CCDC88C: variants seen among roughly 807,000 people sequenced by gnomAD.
CCDC88C encodes the protein coiled-coil and HOOK domain protein 88C.
In CCDC88C, 131 loss-of-function variants were observed where a neutral mutation model predicts 198.8. That is an observed-to-expected ratio of 0.66 (90% confidence interval 0.57 to 0.76). CCDC88C has a LOEUF of 0.76. Among genes scored for constraint, CCDC88C ranks in the 30% least tolerant of loss-of-function variants. CCDC88C has a pLI of 0.00. For missense variants in CCDC88C, 2,553 were observed against 2,631.6 expected (o/e 0.97, Z 0.65); for synonymous variants, 1,166 against 1,114.7 (o/e 1.05, Z -0.92).
intron 3 of CCDC88C, among the ~76,000 whole-genome samples, chr14:91,389,932 C>A (rs1484211017): frequency 6.6e-6 from 1 of 151,750 alleles, no homozygotes; most frequent in South Asian, 2.1e-4. Context: ...ATTAGCTGGG[C>A]GTGGTGGCGG....
chr14:91,308,497 A>T lies in CCDC88C; in HGVS notation c.2865-5T>A. 1 of 1,613,666 alleles carries T rather than the reference A, an allele frequency of 6.2e-7. No individual in the cohort carries two copies. The highest frequency in any genetic ancestry group is 8.5e-7 in the Non-Finnish European group (1 of 1,179,778). ...CCCTCCAAAATCTTGTATTTTCTGG[A>T]AAACACAAAGATACAATAGTATCAC... On this transcript the variant is annotated splice_polypyrimidine_tract_variant and splice_region_variant and intron_variant, in intron 16 of 29. Transcript: ENST00000389857.
In CCDC88C at chr14:91,272,231, G is replaced by A. The variant is rs549307461; in HGVS notation, c.*394C>T. 4.1e-5 allele frequency: 7 copies of A among 172,182 alleles called. 1 individual carries two copies. In the South Asian group the frequency reaches 8.1e-4, roughly 20 times the overall value. 10.7% of individuals were successfully genotyped at this position (172,182 alleles called of 1,614,324 possible). A position where few individuals can be genotyped will look rare whatever the true frequency, so the allele number is the denominator to read the frequency against. On this transcript the variant is annotated 3_prime_UTR_variant, in exon 30 of 30. Coordinates refer to ENST00000389857, the MANE Select transcript of CCDC88C (RefSeq NM_001080414.4). ...TTCTGACCCGCCAGGCCTGAGCCTC[G>A]TAAGCCTGTTGTGTGAGTGTGTGTG...
At chr14:91,326,464 C>T (rs900933274) in intron 10 of CCDC88C, among the ~76,000 whole-genome samples, 2 of 152,046 alleles carry the variant, frequency 1.3e-5, no homozygotes, top group African/African-American at 4.8e-5. Context: ...CCACCTGCCT[C>T]GGCCTCCTAA....
chr14:91,293,347 T>C lies in CCDC88C; in HGVS notation c.4112+826A>G, dbSNP rs187719766. Among the ~76,000 whole-genome samples, 360 of 46,556 alleles carry C rather than the reference T, an allele frequency of 7.7e-3. 3 individuals are homozygous for C. The highest frequency in any genetic ancestry group is 0.054 in the Middle Eastern group (3 of 56). 30.5% of individuals were successfully genotyped at this position (46,556 alleles called of 152,430 possible). A position where few individuals can be genotyped will look rare whatever the true frequency, so the allele number is the denominator to read the frequency against. The stretch of plus-strand genomic sequence containing the variant: ...TCACCTGCCAAAGCTCACCTTCCTG[T>C]CCCCTCGCCTGCCACGGCCCACCTT... On this transcript the variant is annotated intron_variant, in intron 23 of 29. Coordinates refer to ENST00000389857, the MANE Select transcript of CCDC88C (RefSeq NM_001080414.4).
chr14:91,339,207 T>C lies in CCDC88C; in HGVS notation c.809+71A>G. 17 of 1,553,794 alleles carry C rather than the reference T, an allele frequency of 1.1e-5. No individual in the cohort carries two copies. The highest frequency in any genetic ancestry group is 1.4e-5 in the Non-Finnish European group (16 of 1,139,030). On this transcript the variant is annotated intron_variant, in intron 8 of 29. Coordinates refer to ENST00000389857, the MANE Select transcript of CCDC88C (RefSeq NM_001080414.4). This position sits in a 1 kb window ranked among gnomAD's most constrained non-coding sequence, Gnocchi z 5.8. The stretch of plus-strand genomic sequence containing the variant: ...GCTGTGCCATTGGCAGCACCACACA[T>C]GTGAGTCGACACCACACCAGAAACA...
At chr14:91,292,825 G>A (rs1003002101) in intron 23 of CCDC88C, among the ~76,000 whole-genome samples, 1 of 152,102 alleles carries the variant, frequency 6.6e-6, no homozygotes, top group Non-Finnish European at 1.5e-5. Context: ...CTGGCACCAG[G>A]GTTCGTCCCC....
chr14:91,351,657 C>T (rs764276003), intron 4 of CCDC88C, among the ~76,000 whole-genome samples: 13 of 152,096 alleles, frequency 8.5e-5, no homozygotes, highest in Admixed American at 3.9e-4. Context: ...CATAACCAGG[C>T]ACACATATTT....
Position 91,309,864 on chromosome 14 carries a change from A to T in CCDC88C, c.2859T>A (p.Ser953Arg). The T allele has an allele frequency of 6.2e-7, 1 of 1,610,164 alleles. No homozygotes were observed. ...GAGGGAGAAGAGGCCCTCACGTGTC[A>T]CTGCCGCTGTCGTCCTCCTGCAACA... ...ELLLQEDDSG[S>R]DTKYKILEGR... Residue 953 changes from serine to arginine, a missense_variant, in exon 16 of 30, where the codon AGT becomes AGA. Physicochemically the swap from Ser to Arg is moderately radical, Grantham distance 110. Transcript: ENST00000389857.
At position 91,339,147 on chromosome 14, in the gene CCDC88C, GGCAGACCCCA is replaced by G; in HGVS notation, c.809+121_809+130del. The G allele has an allele frequency of 9.1e-7, 1 of 1,104,960 alleles. No individual in the cohort carries two copies. Among genetic ancestry groups the G allele is most frequent in the Non-Finnish European group, 1.3e-6 (1 of 747,244 alleles). The allele number at this position is 1,104,960 out of a possible 1,614,324, so 68.4% of individuals were successfully genotyped here. A position where few individuals can be genotyped will look rare whatever the true frequency, so the allele number is the denominator to read the frequency against. Reference sequence around the variant, plus strand: ...GTCCGAGGTCAAAGAGTAAGCTCAGGGCAGACCCCAGCTGACTCCGGGGCACACGTCAGAG... The same window carrying G: ...GTCCGAGGTCAAAGAGTAAGCTCAGGGCTGACTCCGGGGCACACGTCAGAG... On this transcript the variant is annotated intron_variant, in intron 8 of 29. Coordinates refer to ENST00000389857, the MANE Select transcript of CCDC88C (RefSeq NM_001080414.4). The surrounding 1 kb of genome is among the most constrained non-coding windows in gnomAD (Gnocchi z 5.8).
chr14:91,278,156 G>T lies in CCDC88C; in HGVS notation c.4824C>A (p.Ile1608=). Residue 1608 remains isoleucine, a synonymous_variant, in exon 29 of 30, where the codon ATC becomes ATA. Transcript: ENST00000389857. ...GCAAAGTGGCCAGGTCCCTGCTGGG[G>T]ATCAGGTCTTCGCTGCTGAAGCTCT... The part of the protein sequence containing the change: ...RSESFSSEDL[I]PSRDLATLPR... The T allele has an allele frequency of 1.2e-6, 2 of 1,613,050 alleles. No individual in the cohort carries two copies. Among genetic ancestry groups the T allele is most frequent in the East Asian group, 2.2e-5 (1 of 44,876 alleles).
Position 91,344,063 on chromosome 14 carries a change from C to T in CCDC88C, c.341-406G>A, listed in dbSNP as rs562163284. 3.9e-5 allele frequency among the ~76,000 whole-genome samples: 6 copies of T among 152,266 alleles called. No homozygotes were observed. The East Asian group carries it at 9.6e-4, about 24-fold the overall frequency. ...CTCAAACTCCTGGACTCAAGTGATC[C>T]GCCCACCTCAGCCTCCCAGGTTGCA... On this transcript the variant is annotated intron_variant, in intron 4 of 29. Coordinates refer to ENST00000389857, the MANE Select transcript of CCDC88C (RefSeq NM_001080414.4).
chr14:91,385,562 A>T (rs1212598773), intron 3 of CCDC88C, among the ~76,000 whole-genome samples: 1 of 152,246 alleles, frequency 6.6e-6, no homozygotes, highest in Non-Finnish European at 1.5e-5. Flanking sequence ...GAAGGGCCTC[A>T]GGTCACAAGG....
In CCDC88C at chr14:91,338,284, C is replaced by T; in HGVS notation, c.892-121G>A. 8.0e-7 allele frequency: 1 copy of T among 1,244,992 alleles called. No individual in the cohort carries two copies. The highest frequency in any genetic ancestry group is 2.5e-5 in the East Asian group (1 of 40,814). The allele number at this position is 1,244,992 out of a possible 1,614,324, so 77.1% of individuals were successfully genotyped here. ...CCCAGGACAAGCCAGCTCCTGGTGG[C>T]CGGGGGCCTCCATGTGCCACCACCA... On this transcript the variant is annotated intron_variant, in intron 9 of 29. Coordinates refer to ENST00000389857, the MANE Select transcript of CCDC88C (RefSeq NM_001080414.4). The surrounding 1 kb of genome is among the most constrained non-coding windows in gnomAD (Gnocchi z 4.8).
chr14:91,291,601 G>A (rs1435111707), intron 23 of CCDC88C, among the ~76,000 whole-genome samples: 2 of 152,200 alleles, frequency 1.3e-5, no homozygotes, highest in Non-Finnish European at 1.5e-5. Flanking sequence ...AGAAGTTAAT[G>A]AGCACAGCAG....
intron 12 of CCDC88C, 43 bp downstream of exon 12, chr14:91,324,736 C>T (rs375115222): frequency 9.3e-5 from 149 of 1,600,654 alleles, no homozygotes; most frequent in Non-Finnish European, 1.1e-4. Context: ...GAGGCAGCGG[C>T]GGCCACGGCC....
intron 3 of CCDC88C, among the ~76,000 whole-genome samples, chr14:91,361,934 C>G (rs972383456): frequency 1.3e-5 from 2 of 152,056 alleles, no homozygotes; most frequent in Non-Finnish European, 2.9e-5. Context: ...TCCCTCCCAG[C>G]CTCAAAACTA....
At chr14:91,290,690 G>A (rs887830995) in intron 24 of CCDC88C, among the ~76,000 whole-genome samples, 1 of 152,214 alleles carries the variant, frequency 6.6e-6, no homozygotes, top group South Asian at 2.1e-4. Context: ...ACGAAAACCT[G>A]ACAAGGCAGC....
At chr14:91,277,741 GGGCT>G (rs1179050329) in intron 29 of CCDC88C, among the ~76,000 whole-genome samples, 177 bp downstream of exon 29, 2 of 152,216 alleles carry the variant, frequency 1.3e-5, no homozygotes, top group African/African-American at 4.8e-5. Context: ...TCCAGGGTTG[GGGCT>G]GGCGGCTGGC....
At chr14:91,310,350 A>G (rs1341290608) in intron 15 of CCDC88C, among the ~76,000 whole-genome samples, 1 of 152,128 alleles carries the variant, frequency 6.6e-6, no homozygotes, top group Non-Finnish European at 1.5e-5. Flanking sequence ...GGCCCCTTGT[A>G]GACACTTTGA....
Sources: gnomAD v4.1 joint callset for allele counts (sites outside exome capture counted in the v4.1 genomes callset) on GRCh38, gnomAD v4.1.1 for gene constraint, Gnocchi (gnomAD v3.1) non-coding constraint, MANE v1.5 for transcripts, NCBI Gene and HGNC (gene_info 2026-07-23, HGNC 2026-07-21) for gene names.